The following ATP2A2 variants were observed in gnomAD, a reference collection of about 807,000 sequenced individuals.
ATP2A2 encodes the protein sarcoplasmic/endoplasmic reticulum calcium ATPase 2.
ATP2A2 carries 14 observed loss-of-function variants against 109.3 expected under a neutral mutation model. The observed-to-expected ratio is 0.13, with a 90% confidence interval of 0.08 to 0.20. The LOEUF is 0.20. Ranked by LOEUF, ATP2A2 falls within the 10% of genes least tolerant of loss-of-function variation. The probability of loss-of-function intolerance (pLI) is 1.00; values close to 1 mark genes in which losing one functional copy is unlikely to be tolerated. For synonymous variants in ATP2A2, 506 were observed against 490.9 expected, an observed-to-expected ratio of 1.03 and a Z score of -0.41; for missense variants, 657 against 1,321.6, an observed-to-expected ratio of 0.50 and a Z score of 7.80.
chr12:110,345,448 G>A (rs2137872352), intron 18 of ATP2A2, 66 bp downstream of exon 18: 2 of 1,599,006 alleles, frequency 1.3e-6, no homozygotes, highest in Non-Finnish European at 8.6e-7. Flanking sequence ...GGAATTGTGT[G>A]TAGTCACGGT....
intron 1 of ATP2A2, 78 bp downstream of exon 1, chr12:110,281,985 C>G: frequency 2.5e-6 from 3 of 1,220,038 alleles, no homozygotes; most frequent in Non-Finnish European, 3.4e-6. Flanking sequence ...GGCTCCACCT[C>G]GTGGGCTTCG....
intron 3 of ATP2A2, among the ~76,000 whole-genome samples, chr12:110,283,260 A>G (rs1872333264): frequency 6.6e-6 from 1 of 152,248 alleles, no homozygotes; most frequent in African/African-American, 2.4e-5. Context: ...GGTGACAAGA[A>G]TGATGACGGC....
At chr12:110,319,923 G>A (rs1877069602) in intron 5 of ATP2A2, among the ~76,000 whole-genome samples, 1 of 152,068 alleles carries the variant, frequency 6.6e-6, no homozygotes, top group Admixed American at 6.6e-5. Context: ...AATACTTACT[G>A]GAGCATTTCA....
chr12:110,300,108 T>TTCCTC (rs1353310723), intron 5 of ATP2A2, among the ~76,000 whole-genome samples: 1 of 109,694 alleles, frequency 9.1e-6, no homozygotes, highest in African/African-American at 3.8e-5. Flanking sequence ...CCTTCCTTCC[T>TTCCTC]CCCCCTTTCC....
chr12:110,320,555 G>A (rs1481970477), intron 5 of ATP2A2, among the ~76,000 whole-genome samples: 1 of 152,230 alleles, frequency 6.6e-6, no homozygotes, highest in East Asian at 1.9e-4. Context: ...GGGCATGTTA[G>A]CTGTTAAAGA....
chr12:110,299,251 G>A (rs747339903), intron 5 of ATP2A2, among the ~76,000 whole-genome samples: 2 of 151,824 alleles, frequency 1.3e-5, no homozygotes, highest in African/African-American at 4.8e-5. Flanking sequence ...GATTACAGAC[G>A]TGAGCCCACT....
intron 6 of ATP2A2, 52 bp downstream of exon 6, chr12:110,323,124 A>G (rs1877413390): frequency 1.4e-6 from 2 of 1,379,678 alleles, no homozygotes; most frequent in Non-Finnish European, 2.1e-6. Context: ...CGCATATTCC[A>G]TGCCAATAGA....
At position 110,309,140 on chromosome 12, in the gene ATP2A2, A is replaced by ATTTTTT. The variant is rs10665212; in HGVS notation, c.463+12433_463+12438dup. Among the ~76,000 whole-genome samples, 248 of 48,914 alleles carry ATTTTTT rather than the reference A, an allele frequency of 5.1e-3. 16 individuals are homozygous for ATTTTTT. The highest frequency in any genetic ancestry group is 6.8e-3 in the African/African-American group (79 of 11,600). The allele number at this position is 48,914 out of a possible 152,430, so 32.1% of individuals were successfully genotyped here. A position where few individuals can be genotyped will look rare whatever the true frequency, so the allele number is the denominator to read the frequency against. ...ATGGAGAGAGAGTTTAAGGAAACTA[A>ATTTTTT]TTTTTTTTTTTTTTTTTTTTTTTTT... On this transcript the variant is annotated intron_variant, in intron 5 of 19. Coordinates refer to ENST00000539276, the MANE Select transcript of ATP2A2 (RefSeq NM_170665.4).
intron 8 of ATP2A2, 122 bp downstream of exon 8, chr12:110,328,139 C>CCCA: frequency 1.0e-6 from 1 of 979,310 alleles, no homozygotes; most frequent in Non-Finnish European, 1.5e-6. Context: ...GTATGTATAG[C>CCCA]CTGAGCTTAA....
At chr12:110,296,839 A>G in intron 5 of ATP2A2, 102 bp downstream of exon 5, 1 of 1,318,610 alleles carries the variant, frequency 7.6e-7, no homozygotes, top group Non-Finnish European at 1.1e-6. Context: ...GTTTTCATGT[A>G]TCAATTAACA....
chr12:110,296,426 A>G, intron 4 of ATP2A2, 173 bp from the exon 5 acceptor site: 2 of 874,150 alleles, frequency 2.3e-6, no homozygotes, highest in African/African-American at 3.4e-5. Flanking sequence ...TTTTAATACA[A>G]ATTAATAAAT....
rs1487012727 is a variant in ATP2A2 at position 110,349,274 on chromosome 12, T to TA, written c.*2806dup. On this transcript the variant is annotated 3_prime_UTR_variant, in exon 20 of 20. Transcript: ENST00000539276. The stretch of plus-strand genomic sequence containing the variant: ...ACATCCCTGGCCTCAGGCCCTCACC[T>TA]AACAGTGAGGCAGCAGCTGCCCAGC... 2 of 985,378 alleles carry TA rather than the reference T, an allele frequency of 2.0e-6. No homozygotes were observed. Among genetic ancestry groups the TA allele is most frequent in the African/African-American group, 3.5e-5 (2 of 57,222 alleles). 61.0% of individuals were successfully genotyped at this position (985,378 alleles called of 1,614,324 possible).
At chr12:110,283,808 T>C (rs1232956831) in intron 3 of ATP2A2, among the ~76,000 whole-genome samples, 1 of 152,224 alleles carries the variant, frequency 6.6e-6, no homozygotes, top group African/African-American at 2.4e-5. Flanking sequence ...CATATATGTA[T>C]GCAGGTCCCA....
chr12:110,323,707 A>T (rs1877478481), intron 6 of ATP2A2, among the ~76,000 whole-genome samples: 1 of 152,254 alleles, frequency 6.6e-6, no homozygotes, highest in African/African-American at 2.4e-5. Context: ...GGGTGAAAAG[A>T]TCACTTGTGC....
Position 110,327,163 on chromosome 12 carries a change from AGCCC to A in ATP2A2, c.631-389_631-386del, listed in dbSNP as rs1318317182. Among the ~76,000 whole-genome samples the A allele has an allele frequency of 6.6e-6, 1 of 152,210 alleles. No individual in the cohort carries two copies. The highest frequency in any genetic ancestry group is 1.5e-5 in the Non-Finnish European group (1 of 68,036). ...TCACATGAGTAGGGGTTGTCAAGAT[AGCCC>A]ATGGGGCTAGTTGCCGTTTCTATTA... On this transcript the variant is annotated intron_variant, in intron 7 of 19. Coordinates refer to ENST00000539276, the MANE Select transcript of ATP2A2 (RefSeq NM_170665.4). This position sits in a 1 kb window ranked among gnomAD's most constrained non-coding sequence, Gnocchi z 4.4.
At chr12:110,306,475 A>G (rs910010837) in intron 5 of ATP2A2, among the ~76,000 whole-genome samples, 2 of 152,106 alleles carry the variant, frequency 1.3e-5, no homozygotes, top group Non-Finnish European at 2.9e-5. Flanking sequence ...GATGATGAGT[A>G]TAGTACTTCA....
rs755906017 is a variant in ATP2A2, at chr12:110,282,703, T to C, written c.137-10T>C. ...ATGACAGTTAAAACACATGTGTTTG[T>C]TTCTTACAGGAAAAACCTTGCTGGA... On this transcript the variant is annotated splice_polypyrimidine_tract_variant and intron_variant, in intron 2 of 19. Coordinates refer to ENST00000539276, the MANE Select transcript of ATP2A2 (RefSeq NM_170665.4). The C allele has an allele frequency of 1.9e-6, 3 of 1,614,108 alleles. No homozygotes were observed. Among genetic ancestry groups the C allele is most frequent in the East Asian group, 4.5e-5 (2 of 44,874 alleles).
chr12:110,284,104 A>G (rs1314878968), intron 3 of ATP2A2, among the ~76,000 whole-genome samples: 1 of 152,208 alleles, frequency 6.6e-6, no homozygotes, highest in Non-Finnish European at 1.5e-5. Flanking sequence ...GGGGACTTAC[A>G]TAGCAAACCA....
At position 110,332,582 on chromosome 12, in the gene ATP2A2, G is replaced by T. The variant is rs758922402; in HGVS notation, c.1096-15G>T. ...AAATCCCTTTTAAATACTCTGATGC[G>T]CTCTCCCCCTACAGATGTTCATTCT... On this transcript the variant is annotated splice_polypyrimidine_tract_variant and intron_variant, in intron 8 of 19. Coordinates refer to ENST00000539276, the MANE Select transcript of ATP2A2 (RefSeq NM_170665.4). The T allele has an allele frequency of 2.5e-6, 4 of 1,592,442 alleles. No individual in the cohort carries two copies. In the African/African-American group the frequency reaches 4.0e-5, roughly 16 times the overall value.
Sources: gnomAD v4.1 joint callset for allele counts (sites outside exome capture counted in the v4.1 genomes callset) on GRCh38, gnomAD v4.1.1 for gene constraint, Gnocchi (gnomAD v3.1) non-coding constraint, MANE v1.5 for transcripts, NCBI Gene and HGNC (gene_info 2026-07-23, HGNC 2026-07-21) for gene names.